Variants in COLEC12 observed in about 807,000 individuals in gnomAD.
COLEC12 encodes the protein collectin subfamily member 12.
In COLEC12, 33 loss-of-function variants were observed where a neutral mutation model predicts 71.1. The ratio of observed to expected loss-of-function variants is 0.46; its 90% confidence interval spans 0.35 to 0.62. COLEC12 has a LOEUF of 0.62. COLEC12 is among the 20% of genes least tolerant of loss of function. COLEC12 has a pLI of 0.00. For missense variants in COLEC12, 765 were observed against 916.1 expected (o/e 0.84, Z 2.13); for synonymous variants, 350 against 353.0 (o/e 0.99, Z 0.10).
chr18:419,262 T>C (rs1403035836), intron 2 of COLEC12, among the ~76,000 whole-genome samples: 2 of 152,148 alleles, frequency 1.3e-5, no homozygotes, highest in Non-Finnish European at 2.9e-5. Flanking sequence ...CTGTTGTGCA[T>C]TGGCACAATT....
chr18:350,902 G>A (rs1407449307), intron 3 of COLEC12, among the ~76,000 whole-genome samples: 2 of 149,842 alleles, frequency 1.3e-5, no homozygotes, highest in Non-Finnish European at 3.0e-5. Context: ...GGAGGTTGCA[G>A]TGAGCCGAGA....
intron 8 of COLEC12, among the ~76,000 whole-genome samples, chr18:326,004 T>A (rs1188990448): frequency 6.6e-6 from 1 of 152,208 alleles, no homozygotes; most frequent in Non-Finnish European, 1.5e-5. Flanking sequence ...CTGCTTTCCT[T>A]CCTTTGACTT....
chr18:488,032 G>GA (rs1051773310), intron 1 of COLEC12, among the ~76,000 whole-genome samples: 11 of 151,956 alleles, frequency 7.2e-5, no homozygotes, highest in Non-Finnish European at 1.5e-4. Flanking sequence ...TAATACCTCA[G>GA]AAAAAAACAA....
Position 431,735 on chromosome 18 carries a change from C to T in COLEC12, c.58+48972G>A, listed in dbSNP as rs373993049. Among the ~76,000 whole-genome samples, 31 of 152,264 alleles carry T rather than the reference C, an allele frequency of 2.0e-4. 1 individual carries two copies. The East Asian group carries it at 2.3e-3, about 11-fold the overall frequency. ...CTAGGAGGAGTGCCAGGGCTCCTTC[C>T]CCCACATTTACTGGTCCTCGGTTCC... On this transcript the variant is annotated intron_variant, in intron 2 of 9. Coordinates refer to ENST00000400256, the MANE Select transcript of COLEC12 (RefSeq NM_130386.3).
chr18:428,927 G>GGAAGGCTTTT (rs1916248306), intron 2 of COLEC12, among the ~76,000 whole-genome samples: 1 of 152,144 alleles, frequency 6.6e-6, no homozygotes, highest in Non-Finnish European at 1.5e-5. Context: ...TTTATAAAAG[G>GGAAGGCTTTT]TATTTTTTAA....
chr18:397,088 C>G (rs1915587744), intron 2 of COLEC12, among the ~76,000 whole-genome samples: 1 of 152,194 alleles, frequency 6.6e-6, no homozygotes, highest in Non-Finnish European at 1.5e-5. Flanking sequence ...CTGGATCCTT[C>G]CTTAGTTCTG....
At chr18:330,710 G>A (rs1913955836) in intron 8 of COLEC12, among the ~76,000 whole-genome samples, 1 of 152,026 alleles carries the variant, frequency 6.6e-6, no homozygotes, top group Non-Finnish European at 1.5e-5. Flanking sequence ...ATCCAAGAAG[G>A]TACCTCAAAG....
At chr18:466,985 C>G (rs980350415) in intron 2 of COLEC12, among the ~76,000 whole-genome samples, 1 of 152,078 alleles carries the variant, frequency 6.6e-6, no homozygotes, top group Non-Finnish European at 1.5e-5. Context: ...TGTGGGTGTA[C>G]CTATATCCAC....
intron 1 of COLEC12, among the ~76,000 whole-genome samples, chr18:482,508 C>G (rs527949816): frequency 3.9e-5 from 6 of 152,318 alleles, no homozygotes; most frequent in Non-Finnish European, 8.8e-5. Flanking sequence ...ACACAACTTT[C>G]TCTCACAGGC....
At chr18:429,300 G>C (rs1264884371) in intron 2 of COLEC12, among the ~76,000 whole-genome samples, 1 of 152,112 alleles carries the variant, frequency 6.6e-6, no homozygotes, top group Non-Finnish European at 1.5e-5. Context: ...TCAGAACAAT[G>C]TGTACAATGC....
At chr18:444,090 G>A (rs1323680070) in intron 2 of COLEC12, among the ~76,000 whole-genome samples, 1 of 152,012 alleles carries the variant, frequency 6.6e-6, no homozygotes, top group African/African-American at 2.4e-5. Flanking sequence ...AAATTACCCA[G>A]CCTCAGGTAT....
chr18:395,920 G>A (rs758914428), intron 2 of COLEC12, among the ~76,000 whole-genome samples: 1 of 152,114 alleles, frequency 6.6e-6, no homozygotes, highest in Non-Finnish European at 1.5e-5. Context: ...AAAATTCAAA[G>A]CACATGTTTA....
intron 2 of COLEC12, among the ~76,000 whole-genome samples, chr18:367,989 G>A (rs1316945184): frequency 6.6e-6 from 1 of 152,044 alleles, no homozygotes; most frequent in Non-Finnish European, 1.5e-5. Flanking sequence ...ATTTTCATGG[G>A]GCAGACAGCT....
At chr18:473,629 C>T (rs1917246938) in intron 2 of COLEC12, among the ~76,000 whole-genome samples, 1 of 152,214 alleles carries the variant, frequency 6.6e-6, no homozygotes, top group Non-Finnish European at 1.5e-5. Flanking sequence ...TCCCAAAGTG[C>T]TGGGATTACA....
intron 1 of COLEC12, among the ~76,000 whole-genome samples, chr18:496,467 A>G (rs1222655274): frequency 1.3e-5 from 2 of 152,238 alleles, no homozygotes; most frequent in African/African-American, 4.8e-5. Context: ...CAGTGAAGGG[A>G]AAAAGGCCTC....
At chr18:469,668 C>T (rs1435228034) in intron 2 of COLEC12, among the ~76,000 whole-genome samples, 1 of 152,142 alleles carries the variant, frequency 6.6e-6, no homozygotes, top group Non-Finnish European at 1.5e-5. Flanking sequence ...CTAATGGACT[C>T]CCCCGCCCCC....
At chr18:477,187 C>G (rs114929840) in intron 2 of COLEC12, among the ~76,000 whole-genome samples, 1 of 152,150 alleles carries the variant, frequency 6.6e-6, no homozygotes, top group African/African-American at 2.4e-5. Flanking sequence ...TGCAGAAGAT[C>G]GTGCATTTTG....
At chr18:432,322 T>C (rs1916320180) in intron 2 of COLEC12, among the ~76,000 whole-genome samples, 1 of 152,182 alleles carries the variant, frequency 6.6e-6, no homozygotes. Flanking sequence ...AGCAGGAATT[T>C]ATAAAATACA....
chr18:443,319 A>C lies in COLEC12; in HGVS notation c.58+37388T>G, dbSNP rs150042489. ...GTTCAAAATCTCCAAATCTGGAAAA[A>C]TTGATACATCCATTTCCTCATGGCT... On this transcript the variant is annotated intron_variant, in intron 2 of 9. Transcript: ENST00000400256. Among the ~76,000 whole-genome samples the C allele has an allele frequency of 1.1e-4, 17 of 152,336 alleles. No homozygotes were observed. The East Asian group carries it at 3.3e-3, about 29-fold the overall frequency.
Sources: gnomAD v4.1 joint callset for allele counts (sites outside exome capture counted in the v4.1 genomes callset) on GRCh38, gnomAD v4.1.1 for gene constraint, MANE v1.5 for transcripts, NCBI Gene and HGNC (gene_info 2026-07-23, HGNC 2026-07-21) for gene names.